Variants in DTX4 observed in about 807,000 individuals in gnomAD.
The protein encoded by DTX4 is E3 ubiquitin-protein ligase DTX4.
DTX4 carries 28 observed loss-of-function variants against 57.6 expected under a neutral mutation model. That is an observed-to-expected ratio of 0.49 (90% CI 0.36 to 0.67). DTX4 has a LOEUF of 0.67. Ranked by LOEUF, DTX4 falls within the 30% of genes least tolerant of loss-of-function variation. DTX4 has a pLI of 0.00. For synonymous variants in DTX4, 316 were observed against 331.0 expected, an observed-to-expected ratio of 0.95 and a Z score of 0.49; for missense variants, 715 against 836.8, an observed-to-expected ratio of 0.85 and a Z score of 1.80.
In DTX4 at chr11:59,189,229, C is replaced by T. The variant is rs2275991; in HGVS notation, c.1065C>T (p.Val355=). The T allele has an allele frequency of 3.7e-3, 6,030 of 1,613,168 alleles. 228 individuals are homozygous for T. The East Asian group carries it at 0.085, about 23-fold the overall frequency. ...PVCLTRPPKL[V]LHPPPVSKSE... is the part of the protein sequence containing the mutation. ...GTCTCACCAGGCCACCAAAGCTGGTCCTACACCCACCCCCCGTCAGCAAGA... is the reference window on the plus strand; with the variant it reads ...GTCTCACCAGGCCACCAAAGCTGGTTCTACACCCACCCCCCGTCAGCAAGA... Residue 355 remains valine, a synonymous_variant, in exon 4 of 9, where the codon GTC becomes GTT. Coordinates refer to ENST00000227451, the MANE Select transcript of DTX4 (RefSeq NM_015177.2).
rs890479039 is a variant in DTX4, at chr11:59,186,922, G to A, written c.936-1813G>A. Among the ~76,000 whole-genome samples, 5 of 152,330 alleles carry A rather than the reference G, an allele frequency of 3.3e-5. No individual in the cohort carries two copies. In the South Asian group the frequency reaches 8.3e-4, roughly 25 times the overall value. ...GAAGAAAAGCGGCTTTGGGTGGCCT[G>A]GTGAGACACAAACATTCCCATTCCC... On this transcript the variant is annotated intron_variant, in intron 2 of 8. Transcript: ENST00000227451.
chr11:59,173,895 G>C (rs1255350136), intron 1 of DTX4, among the ~76,000 whole-genome samples: 1 of 152,084 alleles, frequency 6.6e-6, no homozygotes, highest in Admixed American at 6.5e-5. Context: ...GGTGGGGAGG[G>C]GGCCATTGTT....
intron 1 of DTX4, among the ~76,000 whole-genome samples, chr11:59,177,821 C>T (rs1188519573): frequency 1.3e-5 from 2 of 152,180 alleles, no homozygotes. Flanking sequence ...TTAAAACATT[C>T]TCCACACCTT....
At chr11:59,179,778 G>A (rs553153461) in intron 1 of DTX4, among the ~76,000 whole-genome samples, 8 of 152,318 alleles carry the variant, frequency 5.3e-5, no homozygotes, top group African/African-American at 9.6e-5. Flanking sequence ...TTGTGTGGCC[G>A]AGTGAGGCCC....
intron 1 of DTX4, among the ~76,000 whole-genome samples, chr11:59,180,735 A>G (rs1590980237): frequency 6.6e-6 from 1 of 152,120 alleles, no homozygotes; most frequent in East Asian, 1.9e-4. Context: ...TGAGTGAGGG[A>G]GAAAGAGGCA....
upstream of DTX4, among the ~76,000 whole-genome samples, chr11:59,171,839 A>AG (rs1862327365): frequency 1.3e-5 from 2 of 151,794 alleles, no homozygotes. Context: ...AGGAAAAAAA[A>AG]AGAGAGAGAG....
Position 59,189,268 on chromosome 11 carries a change from C to T in DTX4, c.1104C>T (p.Ser368=), listed in dbSNP as rs1862567060. 6.3e-7 allele frequency: 1 copy of T among 1,591,070 alleles called. No homozygotes were observed. The highest frequency in any genetic ancestry group is 8.6e-7 in the Non-Finnish European group (1 of 1,169,304). The part of the protein sequence containing the change: ...PPPVSKSEIK[S]IPGVSNTSRK... ...CCGTCAGCAAGAGTGAAATAAAATC[C>T]ATCCCAGGGGTTTCCAACACAAGCC... The change falls in exon 4 of 9, where the codon TCC becomes TCT. Residue 368 remains serine, a synonymous_variant. Transcript: ENST00000227451.
intron 6 of DTX4, among the ~76,000 whole-genome samples, chr11:59,193,085 T>A (rs1862619816): frequency 6.6e-6 from 1 of 152,222 alleles, no homozygotes; most frequent in African/African-American, 2.4e-5. Flanking sequence ...AACCTCTCAC[T>A]AAGCAAGAAG....
chr11:59,181,606 G>A, intron 1 of DTX4, 133 bp from the exon 2 acceptor site: 1 of 1,273,104 alleles, frequency 7.9e-7, no homozygotes, highest in Non-Finnish European at 1.1e-6. Context: ...GGCACTTCAG[G>A]CAGTGTCATG....
rs1307802496 is a variant in DTX4 at position 59,175,993 on chromosome 11, G to A, written c.211+3187G>A. On this transcript the variant is annotated intron_variant, in intron 1 of 8. Transcript: ENST00000227451. Reference sequence around the variant, plus strand: ...TGCAGATCAACAGGTGAATGGGTTGGCCCCTGTGCCAGTGATGATACTGAT... The same window carrying A: ...TGCAGATCAACAGGTGAATGGGTTGACCCCTGTGCCAGTGATGATACTGAT... Among the ~76,000 whole-genome samples, 3 of 151,918 alleles carry A rather than the reference G, an allele frequency of 2.0e-5. No homozygotes were observed. In the East Asian group the frequency reaches 5.8e-4, roughly 29 times the overall value.
At position 59,192,212 on chromosome 11, in the gene DTX4, A is replaced by C. The variant is rs748661573; in HGVS notation, c.1336A>C (p.Ile446Leu). The C allele has an allele frequency of 1.5e-5, 25 of 1,613,852 alleles. No homozygotes were observed. The Admixed American group carries it at 2.3e-4, about 15-fold the overall frequency. ...GTCCAGATGCGGCCACGTCTACCACATCTACTGCTTGGTTGCCATGTACAA... is the reference window on the plus strand; with the variant it reads ...GTCCAGATGCGGCCACGTCTACCACCTCTACTGCTTGGTTGCCATGTACAA... ...KLSRCGHVYH[I>L]YCLVAMYNNG... Residue 446 changes from isoleucine to leucine, a missense_variant, in exon 6 of 9, where the codon ATC becomes CTC. Transcript: ENST00000227451.
chr11:59,205,121 G>A lies in DTX4; in HGVS notation c.*212G>A. ...ATAAATCTCATCCAACACAAAGGGA[G>A]ATGGGATGAGGGCCATCCTGGGTCT... is the stretch of plus-strand genomic sequence containing the variant. On this transcript the variant is annotated 3_prime_UTR_variant, in exon 9 of 9. Transcript: ENST00000227451. 1 of 543,244 alleles carries A rather than the reference G, an allele frequency of 1.8e-6. No individual in the cohort carries two copies. The highest frequency in any genetic ancestry group is 3.3e-6 in the Non-Finnish European group (1 of 302,226). The allele number at this position is 543,244 out of a possible 1,614,324, so 33.7% of individuals were successfully genotyped here.
intron 2 of DTX4, among the ~76,000 whole-genome samples, chr11:59,187,176 G>A (rs1303052079): frequency 6.6e-6 from 1 of 152,232 alleles, no homozygotes; most frequent in Non-Finnish European, 1.5e-5. Context: ...TCTGGTCTAT[G>A]TTTGCAGTGT....
intron 1 of DTX4, among the ~76,000 whole-genome samples, chr11:59,173,136 G>T (rs945776859): frequency 6.6e-6 from 1 of 152,168 alleles, no homozygotes; most frequent in Non-Finnish European, 1.5e-5. Flanking sequence ...TTCTAGGGCC[G>T]CCCCAGACTA....
intron 1 of DTX4, among the ~76,000 whole-genome samples, chr11:59,180,422 G>A (rs1590980052): frequency 6.6e-6 from 1 of 152,174 alleles, no homozygotes; most frequent in South Asian, 2.1e-4. Flanking sequence ...TGGGGTGGGG[G>A]GCAGGTTATG....
At chr11:59,193,167 G>C (rs1862621140) in intron 6 of DTX4, among the ~76,000 whole-genome samples, 1 of 152,204 alleles carries the variant, frequency 6.6e-6, no homozygotes, top group South Asian at 2.1e-4. Context: ...AGAGGTAAGA[G>C]AGGTGGGAGA....
intron 8 of DTX4, 86 bp from the exon 9 acceptor site, chr11:59,204,590 C>A: frequency 7.9e-7 from 1 of 1,266,190 alleles, no homozygotes. Flanking sequence ...GGGATGGGGC[C>A]CTTGGGAGGA....
At chr11:59,190,222 C>T (rs1245193163) in intron 4 of DTX4, among the ~76,000 whole-genome samples, 1 of 152,158 alleles carries the variant, frequency 6.6e-6, no homozygotes, top group African/African-American at 2.4e-5. Context: ...AGCTCAATTG[C>T]CTTGCTCATA....
In DTX4 at chr11:59,207,616, T is replaced by G. The variant is rs1034673905; in HGVS notation, c.*2707T>G. On this transcript the variant is annotated 3_prime_UTR_variant, in exon 9 of 9. Transcript: ENST00000227451. ...AACCCTGCCAGCTGAGCCCTGTGCA[T>G]CTACTACCTTGACACAGAGTGTTTT... is the stretch of plus-strand genomic sequence containing the variant. 1 of 152,700 alleles carries G rather than the reference T, an allele frequency of 6.5e-6. No individual in the cohort carries two copies. The highest frequency in any genetic ancestry group is 1.5e-5 in the Non-Finnish European group (1 of 68,098). The allele number at this position is 152,700 out of a possible 1,614,324, so 9.5% of individuals were successfully genotyped here. A position where few individuals can be genotyped will look rare whatever the true frequency, so the allele number is the denominator to read the frequency against.
Sources: gnomAD v4.1 joint callset for allele counts (sites outside exome capture counted in the v4.1 genomes callset) on GRCh38, gnomAD v4.1.1 for gene constraint, MANE v1.5 for transcripts, NCBI Gene and HGNC (gene_info 2026-07-23, HGNC 2026-07-21) for gene names.